The following MS4A13 variants were observed in gnomAD, a reference collection of about 807,000 sequenced individuals.
MS4A13 encodes membrane-spanning 4-domains subfamily A member 13.
A neutral mutation model predicts 18.4 loss-of-function variants in MS4A13; 21 were observed. The ratio of observed to expected loss-of-function variants is 1.14; its 90% CI spans 0.81 to 1.64. The LOEUF (loss-of-function observed/expected upper bound fraction) is 1.64. Ranked by LOEUF, MS4A13 falls within the 40% of genes most tolerant of loss-of-function variation. The probability of loss-of-function intolerance (pLI) is 0.00; values close to 1 mark genes in which losing one functional copy is unlikely to be tolerated. For missense variants in MS4A13, 173 were observed against 176.8 expected, an observed-to-expected ratio of 0.98 and a Z score of 0.12; for synonymous variants, 62 against 57.2, an observed-to-expected ratio of 1.08 and a Z score of -0.38.
chr11:60,532,402 A>C (rs2086776686), intron 6 of MS4A13, among the ~76,000 whole-genome samples: 1 of 152,190 alleles, frequency 6.6e-6, no homozygotes. Context: ...AGTCAAAGAA[A>C]GGGGTGACGG....
Position 60,542,535 on chromosome 11 carries a change from A to G in MS4A13, c.419A>G (p.Asp140Gly). Reference sequence around the variant, plus strand: ...TTTTTCCAGTTTCGAAGACAAAATGATCTTACATCTGTTACTGAGGAAGCT... The same window carrying G: ...TTTTTCCAGTTTCGAAGACAAAATGGTCTTACATCTGTTACTGAGGAAGCT... ...SCSNLFRRQN[D>G]LTSVTEEAES... is the part of the protein sequence containing the mutation. Residue 140 changes from aspartate to glycine, a missense_variant, in exon 7 of 7, where the codon GAT becomes GGT. Transcript: ENST00000378186. 1 of 1,610,372 alleles carries G rather than the reference A, an allele frequency of 6.2e-7. No homozygotes were observed. The highest frequency in any genetic ancestry group is 8.5e-7 in the Non-Finnish European group (1 of 1,178,040).
At chr11:60,531,338 A>C (rs1342431706) in intron 6 of MS4A13, among the ~76,000 whole-genome samples, 1 of 152,220 alleles carries the variant, frequency 6.6e-6, no homozygotes, top group Non-Finnish European at 1.5e-5. Context: ...AATTTGAAGA[A>C]CAGGACAGCC....
At chr11:60,521,005 C>T (rs1031677887) in intron 3 of MS4A13, among the ~76,000 whole-genome samples, 15 of 152,364 alleles carry the variant, frequency 9.8e-5, no homozygotes, top group African/African-American at 2.9e-4. Flanking sequence ...GCAGGCTCAA[C>T]ACCACATGGA....
intron 3 of MS4A13, among the ~76,000 whole-genome samples, chr11:60,523,327 T>A (rs2086690449): frequency 6.6e-6 from 1 of 152,232 alleles, no homozygotes; most frequent in Non-Finnish European, 1.5e-5. Context: ...AGTTTTATAC[T>A]TCTTGGAAGT....
chr11:60,518,046 G>T (rs1590869397), intron 2 of MS4A13, 26 bp from the exon 3 acceptor site: 2 of 1,521,512 alleles, frequency 1.3e-6, no homozygotes, highest in South Asian at 1.2e-5. Flanking sequence ...CATTATTTCG[G>T]TACTAACATA....
intron 5 of MS4A13, among the ~76,000 whole-genome samples, chr11:60,525,991 A>G (rs1027244575): frequency 3.4e-5 from 5 of 148,992 alleles, no homozygotes; most frequent in Non-Finnish European, 7.4e-5. Context: ...GGAGTGAAAC[A>G]CCTTGTCTGA....
intron 6 of MS4A13, among the ~76,000 whole-genome samples, chr11:60,538,720 G>C (rs893064267): frequency 1.4e-5 from 2 of 145,844 alleles, no homozygotes; most frequent in East Asian, 4.0e-4. Context: ...CACTTCCTGG[G>C]GTTACTCCTA....
chr11:60,541,008 CAAAT>C (rs2086853592), intron 6 of MS4A13, among the ~76,000 whole-genome samples: 1 of 145,074 alleles, frequency 6.9e-6, no homozygotes, highest in South Asian at 2.2e-4. Context: ...GTGTATAAAA[CAAAT>C]AATAAAATGT....
downstream of MS4A13, chr11:60,542,742 T>C (rs901938085): frequency 9.0e-5 from 42 of 467,800 alleles, no homozygotes; most frequent in Non-Finnish European, 1.2e-5. Flanking sequence ...TATATTTTTC[T>C]AGGCTGCAAG....
In MS4A13 at chr11:60,522,234, A is replaced by ATATATATATC. The variant is rs1402742805; in HGVS notation, c.130-1663_130-1662insTATATATATC. On this transcript the variant is annotated intron_variant, in intron 3 of 6. Coordinates refer to ENST00000378186, the MANE Select transcript of MS4A13 (RefSeq NM_001012417.3). ...TAGATAGATAGATAGATAGATAGAT[A>ATATATATATC]GATAGATGTATATATATAGATATAT... is the stretch of plus-strand genomic sequence containing the variant. Among the ~76,000 whole-genome samples, 139 of 108,656 alleles carry ATATATATATC rather than the reference A, an allele frequency of 1.3e-3. 1 individual carries two copies. The East Asian group carries it at 0.014, about 11-fold the overall frequency. 71.3% of individuals were successfully genotyped at this position (108,656 alleles called of 152,430 possible).
At chr11:60,538,587 A>G (rs1029676133) in intron 6 of MS4A13, among the ~76,000 whole-genome samples, 1 of 39,802 alleles carries the variant, frequency 2.5e-5, no homozygotes, top group Non-Finnish European at 5.8e-5. Flanking sequence ...AATAAAAATA[A>G]AAAAAAAAAT....
chr11:60,516,648 C>T (rs142198797), intron 2 of MS4A13, among the ~76,000 whole-genome samples: 1 of 152,252 alleles, frequency 6.6e-6, no homozygotes, highest in Non-Finnish European at 1.5e-5. Flanking sequence ...GAATTATGTA[C>T]ATGTCACAAT....
chr11:60,531,107 G>C (rs4939398), intron 6 of MS4A13, among the ~76,000 whole-genome samples: 2,726 of 152,272 alleles, frequency 0.018, 157 homozygotes, highest in East Asian at 0.14. Flanking sequence ...AGTTTACCTT[G>C]GTGGGTCAGA....
At position 60,527,410 on chromosome 11, in the gene MS4A13, C is replaced by CTGTGTGTGTGTGTGTGTGTGTG. The variant is rs1224398821; in HGVS notation, c.307-1941_307-1920dup. ...TCTCTCTCTCTCTCTCTCTCTCTCT[C>CTGTGTGTGTGTGTGTGTGTGTG]TGTGTGTGTGTGTGTGTGTGTGTGT... On this transcript the variant is annotated intron_variant, in intron 5 of 6. Coordinates refer to ENST00000378186, the MANE Select transcript of MS4A13 (RefSeq NM_001012417.3). Among the ~76,000 whole-genome samples the CTGTGTGTGTGTGTGTGTGTGTG allele has an allele frequency of 5.6e-4, 16 of 28,798 alleles. 1 individual carries two copies. Among genetic ancestry groups the CTGTGTGTGTGTGTGTGTGTGTG allele is most frequent in the East Asian group, 4.4e-3 (3 of 682 alleles). The allele number at this position is 28,798 out of a possible 152,430, so 18.9% of individuals were successfully genotyped here.
At chr11:60,531,347 C>A (rs115679180) in intron 6 of MS4A13, among the ~76,000 whole-genome samples, 111 of 152,294 alleles carry the variant, frequency 7.3e-4, no homozygotes, top group African/African-American at 2.3e-3. Flanking sequence ...AACAGGACAG[C>A]CACAGTGGAC....
chr11:60,541,752 A>G (rs2086860509), intron 6 of MS4A13, among the ~76,000 whole-genome samples: 3 of 152,184 alleles, frequency 2.0e-5, no homozygotes, highest in Non-Finnish European at 2.9e-5. Context: ...TATTTTTATT[A>G]TAAAAGTTTG....
intron 6 of MS4A13, among the ~76,000 whole-genome samples, chr11:60,540,805 C>T (rs1030495290): frequency 6.6e-6 from 1 of 151,740 alleles, no homozygotes; most frequent in Non-Finnish European, 1.5e-5. Context: ...AATAAAAACA[C>T]TAGCTATGCA....
At chr11:60,523,200 T>TA (rs1394657814) in intron 3 of MS4A13, among the ~76,000 whole-genome samples, 2 of 152,182 alleles carry the variant, frequency 1.3e-5, no homozygotes, top group African/African-American at 4.8e-5. Context: ...GCTTCCTACA[T>TA]ATAGTGTATA....
intron 5 of MS4A13, among the ~76,000 whole-genome samples, chr11:60,528,198 T>G (rs1043145314): frequency 6.6e-6 from 1 of 152,240 alleles, no homozygotes; most frequent in African/African-American, 2.4e-5. Flanking sequence ...TATGTCTCAA[T>G]TTTTAAATTA....
Sources: gnomAD v4.1 joint callset for allele counts (sites outside exome capture counted in the v4.1 genomes callset) on GRCh38, gnomAD v4.1.1 for gene constraint, MANE v1.5 for transcripts, NCBI Gene and HGNC (gene_info 2026-07-23, HGNC 2026-07-21) for gene names.